Variants in PLCH2 observed in about 807,000 individuals in gnomAD.
The protein encoded by PLCH2 is 1-phosphatidylinositol 4,5-bisphosphate phosphodiesterase eta-2.
PLCH2 carries 98 observed loss-of-function variants against 134.7 expected under a neutral mutation model. That is an observed-to-expected ratio of 0.73 (90% CI 0.62 to 0.86). The LOEUF is 0.86. PLCH2 is among the 40% of genes least tolerant of loss of function. PLCH2 has a pLI of 0.00. For missense variants in PLCH2, 1,994 were observed against 1,986.6 expected (o/e 1.00, Z -0.07); for synonymous variants, 974 against 827.5 (o/e 1.18, Z -3.04).
At chr1:2,470,937 G>A (rs1276648147) in intron 1 of PLCH2, among the ~76,000 whole-genome samples, 2 of 152,184 alleles carry the variant, frequency 1.3e-5, no homozygotes, top group East Asian at 1.9e-4. Flanking sequence ...AGGTGGGTGC[G>A]ATGCCCCTGC....
At chr1:2,484,344 C>T in intron 4 of PLCH2, 104 bp from the exon 5 acceptor site, 1 of 1,127,248 alleles carries the variant, frequency 8.9e-7, no homozygotes, top group Admixed American at 2.2e-5. Flanking sequence ...GGAGGGTGGG[C>T]TTGCATGTTG....
At chr1:2,435,686 G>T (rs1035110847) in intron 2 of PLCH2, among the ~76,000 whole-genome samples, 6 of 152,108 alleles carry the variant, frequency 3.9e-5, no homozygotes, top group Admixed American at 2.0e-4. Context: ...TCCAGGAGGG[G>T]AGACTGGGTT....
rs765797759 is a variant in PLCH2 at position 2,505,143 on chromosome 1, C to T, written c.4181C>T (p.Pro1394Leu). 19 of 1,560,190 alleles carry T rather than the reference C, an allele frequency of 1.2e-5. No individual in the cohort carries two copies. The highest frequency in any genetic ancestry group is 1.5e-5 in the Non-Finnish European group (18 of 1,162,664). ...SVGHEGSVDA[P>L]APSKGALGPA... is the part of the protein sequence containing the mutation. Reference sequence around the variant, plus strand: ...GGCCACGAGGGCAGTGTGGATGCACCAGCACCCTCCAAGGGAGCCCTCGGG... The same window carrying T: ...GGCCACGAGGGCAGTGTGGATGCACTAGCACCCTCCAAGGGAGCCCTCGGG... Residue 1394 changes from proline to leucine, a missense_variant, in exon 22 of 22, where the codon CCA (proline) becomes CTA (leucine). Coordinates refer to ENST00000378486, the MANE Select transcript of PLCH2 (RefSeq NM_014638.4).
At chr1:2,460,281 C>T (rs1007544325) in intron 2 of PLCH2, among the ~76,000 whole-genome samples, 2 of 152,270 alleles carry the variant, frequency 1.3e-5, no homozygotes, top group African/African-American at 4.8e-5. Context: ...GGACCCCTGA[C>T]CACTGCTCTG....
At position 2,502,384 on chromosome 1, in the gene PLCH2, G is replaced by A. The variant is rs1271488959; in HGVS notation, c.2934G>A (p.Glu978=). The A allele has an allele frequency of 1.3e-6, 2 of 1,543,842 alleles. No individual in the cohort carries two copies. The highest frequency in any genetic ancestry group is 2.4e-5 in the South Asian group (2 of 83,814). ...CTGCTCCGGAAGCCCCAGCCCAGGA[G>A]GGGCCCGGCAGCGGCAGCCCCCGAG... ...PGPAPEAPAQ[E]GPGSGSPRDT... The change falls in exon 21 of 22, where the codon GAG becomes GAA. Residue 978 remains glutamate (E), a synonymous_variant. Coordinates refer to ENST00000378486, the MANE Select transcript of PLCH2 (RefSeq NM_014638.4).
At chr1:2,421,856 C>G (rs12143389), upstream of PLCH2, among the ~76,000 whole-genome samples, 1 of 151,746 alleles carries the variant, frequency 6.6e-6, no homozygotes, top group African/African-American at 2.4e-5. Flanking sequence ...TGCCTGTAAT[C>G]TCAGCTACAC....
At chr1:2,441,324 G>A (rs113703612) in intron 2 of PLCH2, among the ~76,000 whole-genome samples, 2,259 of 152,316 alleles carry the variant, frequency 0.015, 51 homozygotes, top group African/African-American at 0.051. Context: ...CCAAGCAGGC[G>A]TCGCATCCGG....
the PLCH2 span, among the ~76,000 whole-genome samples, chr1:2,416,068 A>G: frequency 1.3e-5 from 2 of 152,104 alleles, no homozygotes; most frequent in Admixed American, 1.3e-4. Context: ...CCCGCAGGTG[A>G]TCTGACGCAC....
intron 10 of PLCH2, 104 bp from the exon 11 acceptor site, chr1:2,491,088 C>A (rs1642550821): frequency 1.7e-6 from 2 of 1,176,856 alleles, no homozygotes; most frequent in Non-Finnish European, 2.4e-6. Context: ...ACACGCCTTC[C>A]CTGAGCCTGG....
Position 2,444,806 on chromosome 1 carries a change from C to T in PLCH2, c.115+14177C>T, listed in dbSNP as rs1484848983. ...CTCCCTCCAGGAGAATGGACCCGAT[C>T]GGTGTCCCCTTCGTCCCCTGACACG... is the stretch of plus-strand genomic sequence containing the variant. On this transcript the variant is annotated intron_variant, in intron 2 of 3. Transcript: ENST00000609981. The surrounding 1 kb of genome is among the most constrained non-coding windows in gnomAD (Gnocchi z 4.6). 6.6e-6 allele frequency among the ~76,000 whole-genome samples: 1 copy of T among 152,044 alleles called. No homozygotes were observed. The highest frequency in any genetic ancestry group is 1.5e-5 in the Non-Finnish European group (1 of 68,002).
chr1:2,431,524 C>G (rs1350583998), intron 2 of PLCH2, among the ~76,000 whole-genome samples: 1 of 152,168 alleles, frequency 6.6e-6, no homozygotes, highest in Non-Finnish European at 1.5e-5. Context: ...GGAATGGACA[C>G]CGGGGAAAGG....
At chr1:2,476,838 GT>G (rs1192209135) in intron 1 of PLCH2, 126 bp downstream of exon 1, 10 of 1,002,008 alleles carry the variant, frequency 1.0e-5, no homozygotes, top group Non-Finnish European at 1.4e-5. Context: ...CGCCTCCCCT[GT>G]CCCCCGGGTG....
At chr1:2,442,256 C>T (rs1639726180) in intron 2 of PLCH2, among the ~76,000 whole-genome samples, 1 of 152,162 alleles carries the variant, frequency 6.6e-6, no homozygotes, top group Admixed American at 6.5e-5. Flanking sequence ...AAACTGAGGT[C>T]TGGAGGGGAG....
At chr1:2,436,117 C>T (rs1639337091) in intron 2 of PLCH2, among the ~76,000 whole-genome samples, 1 of 132,368 alleles carries the variant, frequency 7.6e-6, no homozygotes, top group Admixed American at 7.4e-5. Context: ...CTCCTCCCCT[C>T]CTCCCTTCCT....
chr1:2,429,239 C>G (rs903030244), intron 1 of PLCH2, among the ~76,000 whole-genome samples: 1 of 152,212 alleles, frequency 6.6e-6, no homozygotes, highest in Non-Finnish European at 1.5e-5. Flanking sequence ...CCTCCCAGCC[C>G]TGGCTGTTCT....
intron 2 of PLCH2, among the ~76,000 whole-genome samples, chr1:2,451,663 G>A (rs1036086180): frequency 6.6e-6 from 1 of 152,212 alleles, no homozygotes; most frequent in Non-Finnish European, 1.5e-5. Context: ...GTCAGCCACC[G>A]TTGGCAGCAG....
At chr1:2,445,675 A>AC (rs1045482358) in intron 2 of PLCH2, among the ~76,000 whole-genome samples, 2 of 150,434 alleles carry the variant, frequency 1.3e-5, no homozygotes, top group Non-Finnish European at 3.0e-5. Flanking sequence ...GGCAGGAGAG[A>AC]CCCCCTACAG....
intron 2 of PLCH2, among the ~76,000 whole-genome samples, chr1:2,435,454 TGGCTGGAGGCTGGAGGCTGGA>T (rs58056215): frequency 5.3e-5 from 8 of 150,858 alleles, no homozygotes; most frequent in Middle Eastern, 3.4e-3. Context: ...AGGTTCCAAA[TGGCTGGAGGCTGGAGGCTGGA>T]GGCTGGAGGC....
intron 1 of PLCH2, among the ~76,000 whole-genome samples, chr1:2,427,587 C>T (rs1301009237): frequency 6.6e-6 from 1 of 152,156 alleles, no homozygotes; most frequent in African/African-American, 2.4e-5. Context: ...CCAGGGGATA[C>T]CAGCCAAGGG....
Sources: gnomAD v4.1 joint callset for allele counts (sites outside exome capture counted in the v4.1 genomes callset) on GRCh38, gnomAD v4.1.1 for gene constraint, Gnocchi (gnomAD v3.1) non-coding constraint, MANE v1.5 for transcripts, NCBI Gene and HGNC (gene_info 2026-07-23, HGNC 2026-07-21) for gene names.